Variants in MBP observed in about 807,000 individuals in gnomAD.
MBP encodes Golli-MBP.
In MBP, 16 loss-of-function variants were observed where a neutral mutation model predicts 35.8. The observed-to-expected ratio is 0.45, with a 90% CI of 0.30 to 0.68. The LOEUF (loss-of-function observed/expected upper bound fraction) is 0.68. Among genes scored for constraint, MBP ranks in the 30% least tolerant of loss-of-function variants. The pLI is 0.08. For missense variants in MBP, 380 were observed against 404.7 expected (o/e 0.94, Z 0.52); for synonymous variants, 143 against 159.6 (o/e 0.90, Z 0.78).
chr18:77,099,080 C>T (rs1434008636), intron 2 of MBP, among the ~76,000 whole-genome samples: 1 of 152,176 alleles, frequency 6.6e-6, no homozygotes, highest in East Asian at 1.9e-4. Context: ...GTGTGTGAAA[C>T]ATTGGACCTG....
At chr18:77,038,472 T>G (rs1972861119) in intron 3 of MBP, among the ~76,000 whole-genome samples, 1 of 152,198 alleles carries the variant, frequency 6.6e-6, no homozygotes, top group Admixed American at 6.5e-5. Context: ...ACGCTGGCAG[T>G]AGAAAGGCAA....
chr18:77,111,277 C>T (rs1237580587), intron 1 of MBP, among the ~76,000 whole-genome samples: 2 of 152,122 alleles, frequency 1.3e-5, no homozygotes, highest in African/African-American at 2.4e-5. Context: ...TTGAAGAAGG[C>T]AACTAAGGGA....
rs765320049 is a variant in MBP, at chr18:77,016,904, G to C, written c.504C>G (p.Asp168Glu). ...ARHGFLPRHRDTGILDSIGRF... is the reference protein window; with the variant it reads ...ARHGFLPRHRETGILDSIGRF... ...GCCCGATGGAGTCAAGGATGCCCGT[G>C]TCTCTGTGCCTTGGGAGGAAGCCAT... Residue 168 changes from aspartate to glutamate, a missense_variant, in exon 4 of 9, where the codon GAC becomes GAG. Asp to Glu is a conservative substitution (Grantham distance 45). Transcript: ENST00000355994. 6.2e-7 allele frequency: 1 copy of C among 1,614,106 alleles called. No homozygotes were observed. The highest frequency in any genetic ancestry group is 1.3e-5 in the African/African-American group (1 of 74,938).
intron 8 of MBP, 181 bp downstream of exon 8, chr18:76,984,594 A>G: frequency 1.3e-6 from 1 of 754,388 alleles, no homozygotes; most frequent in Non-Finnish European, 2.1e-6. Context: ...CTCGGAGGAA[A>G]TCCACGCGTA....
intron 1 of MBP, among the ~76,000 whole-genome samples, chr18:77,129,997 C>T (rs1276914170): frequency 4.1e-5 from 6 of 146,868 alleles, no homozygotes; most frequent in Admixed American, 1.4e-4. Context: ...TGCAGTGAGC[C>T]GAGATTGCAC....
intron 2 of MBP, among the ~76,000 whole-genome samples, chr18:77,081,311 A>C (rs1156881556): frequency 6.6e-6 from 1 of 152,256 alleles, no homozygotes; most frequent in Non-Finnish European, 1.5e-5. Context: ...CATCTGACAA[A>C]GATCATGTAT....
intron 3 of MBP, among the ~76,000 whole-genome samples, chr18:77,050,620 C>T (rs1568313199): frequency 1.3e-5 from 2 of 152,174 alleles, no homozygotes; most frequent in Non-Finnish European, 2.9e-5. Context: ...GATCTCGGCT[C>T]ACTGCAACCT....
At chr18:77,027,782 G>A (rs1407104597) in intron 3 of MBP, among the ~76,000 whole-genome samples, 2 of 152,146 alleles carry the variant, frequency 1.3e-5, no homozygotes, top group South Asian at 2.1e-4. Context: ...CAACTTCCTG[G>A]GCTTAAGTGA....
chr18:77,060,448 C>CTT (rs74182682), intron 3 of MBP, among the ~76,000 whole-genome samples: 32,967 of 97,198 alleles, frequency 0.34, 6,018 homozygotes, highest in East Asian at 0.52. Flanking sequence ...TCTCTCTCTC[C>CTT]TTTTTTTTTT....
chr18:76,996,150 G>A (rs1218498673), intron 4 of MBP, among the ~76,000 whole-genome samples: 2 of 152,182 alleles, frequency 1.3e-5, no homozygotes, highest in South Asian at 2.1e-4. Context: ...ATACCGCACC[G>A]TTAGAATGGC....
At chr18:76,990,735 G>C (rs976563871) in intron 4 of MBP, 4 of 187,962 alleles carry the variant, frequency 2.1e-5, no homozygotes, top group African/African-American at 7.2e-5. Flanking sequence ...TTGTGTGTGC[G>C]TGTAGGATGG....
intron 2 of MBP, among the ~76,000 whole-genome samples, chr18:77,082,966 C>T (rs962299974): frequency 9.1e-6 from 1 of 109,468 alleles, no homozygotes; most frequent in Non-Finnish European, 1.9e-5. Context: ...TATTCTGCTT[C>T]GGGATAGAGT....
At chr18:77,128,896 T>C (rs947658267) in intron 1 of MBP, among the ~76,000 whole-genome samples, 4 of 152,232 alleles carry the variant, frequency 2.6e-5, no homozygotes, top group African/African-American at 9.6e-5. Context: ...ATTTACATTC[T>C]AGTCGAACTC....
intron 2 of MBP, among the ~76,000 whole-genome samples, chr18:77,070,774 G>A (rs1974408675): frequency 6.6e-6 from 1 of 152,188 alleles, no homozygotes; most frequent in Admixed American, 6.5e-5. Flanking sequence ...AATTGTGGAA[G>A]CGCAATTCAG....
chr18:76,983,753 G>C lies in MBP; in HGVS notation c.870+1022C>G, dbSNP rs145844443. 934 of 152,332 alleles carry C rather than the reference G, an allele frequency of 6.1e-3. 15 individuals carry two copies. Among genetic ancestry groups the C allele is most frequent in the South Asian group, 0.037 (179 of 4,826 alleles). 9.4% of individuals were successfully genotyped at this position (152,332 alleles called of 1,614,324 possible). A position where few individuals can be genotyped will look rare whatever the true frequency, so the allele number is the denominator to read the frequency against. On this transcript the variant is annotated intron_variant, in intron 8 of 8. Coordinates refer to ENST00000355994, the MANE Select transcript of MBP (RefSeq NM_001025101.2). ...ACCTCCCAGAACCTCCCAGAATCGA[G>C]GCTCACGGCAGAGGTTCTGCACTCA...
intron 2 of MBP, among the ~76,000 whole-genome samples, chr18:77,086,426 ATGT>A (rs764553270): frequency 6.6e-6 from 1 of 152,248 alleles, no homozygotes; most frequent in Non-Finnish European, 1.5e-5. Flanking sequence ...TTCTGGAGAA[ATGT>A]TGTTTTTCAG....
chr18:77,105,202 ACGT>A lies in MBP; in HGVS notation c.51+6_51+8del. The stretch of plus-strand genomic sequence containing the variant: ...ACATGCACATGTTTCGGATCAGCTC[ACGT>A]CTTACCGTACTGGCCTTCTCGGCAT... On this transcript the variant is annotated splice_donor_region_variant and intron_variant, in intron 2 of 8. Coordinates refer to ENST00000355994, the MANE Select transcript of MBP (RefSeq NM_001025101.2). 6.2e-7 allele frequency: 1 copy of A among 1,612,354 alleles called. No individual in the cohort carries two copies. Among genetic ancestry groups the A allele is most frequent in the Non-Finnish European group, 8.5e-7 (1 of 1,178,754 alleles).
At position 77,014,662 on chromosome 18, in the gene MBP, G is replaced by A. The variant is rs186857565; in HGVS notation, c.576+2170C>T. Reference sequence around the variant, plus strand: ...AGGGCCATTGCGGGTCTGTAGCTGGGTGTAGAGAGAGTTAAGCTTTCATCT... The same window carrying A: ...AGGGCCATTGCGGGTCTGTAGCTGGATGTAGAGAGAGTTAAGCTTTCATCT... On this transcript the variant is annotated intron_variant, in intron 4 of 8. Coordinates refer to ENST00000355994, the MANE Select transcript of MBP (RefSeq NM_001025101.2). 7.4e-5 allele frequency: 73 copies of A among 985,442 alleles called. No homozygotes were observed. The Admixed American group carries it at 1.0e-3, about 14-fold the overall frequency. The allele number at this position is 985,442 out of a possible 1,614,324, so 61.0% of individuals were successfully genotyped here. A position where few individuals can be genotyped will look rare whatever the true frequency, so the allele number is the denominator to read the frequency against.
At position 76,988,887 on chromosome 18, in the gene MBP, G is replaced by A; in HGVS notation, c.707C>T (p.Ser236Leu). Residue 236 changes from serine (S) to leucine (L), a missense_variant, in exon 6 of 9, where the codon TCG (serine) becomes TTG (leucine). Transcript: ENST00000355994. This position sits in a 1 kb window ranked among gnomAD's most constrained non-coding sequence, Gnocchi z 5.2. ...NIVTPRTPPP[S>L]QGKGRGLSLS... Reference sequence around the variant, plus strand: ...ATTCCAAGGTCTTACCTTTCCCTGCGACGGGGGTGGTGTGCGAGGCGTCAC... The same window carrying A: ...ATTCCAAGGTCTTACCTTTCCCTGCAACGGGGGTGGTGTGCGAGGCGTCAC... The A allele has an allele frequency of 2.5e-6, 4 of 1,613,870 alleles. No individual in the cohort carries two copies. In the South Asian group the frequency reaches 4.4e-5, roughly 18 times the overall value.
Sources: allele counts gnomAD v4.1 joint callset (sites outside exome capture counted in the v4.1 genomes callset), GRCh38; gene constraint gnomAD v4.1.1; non-coding constraint Gnocchi (gnomAD v3.1); transcripts MANE v1.5; gene names NCBI Gene and HGNC (gene_info 2026-07-23, HGNC 2026-07-21).